CACNA1I: variants seen among roughly 807,000 people sequenced by gnomAD.
CACNA1I encodes the protein calcium voltage-gated channel subunit alpha1 I.
Under a neutral mutation model 201.6 loss-of-function variants are expected in CACNA1I, and 74 were observed. The ratio of observed to expected loss-of-function variants is 0.37; its 90% CI spans 0.30 to 0.45. The LOEUF (loss-of-function observed/expected upper bound fraction) is 0.45. Ranked by LOEUF, CACNA1I falls within the 20% of genes least tolerant of loss-of-function variation. The probability of loss-of-function intolerance (pLI) is 1.00; values close to 1 mark genes in which losing one functional copy is unlikely to be tolerated. For synonymous variants in CACNA1I, 1,431 were observed against 1,345.2 expected (o/e 1.06, Z -1.40); for missense variants, 2,346 against 3,138.1 (o/e 0.75, Z 6.03).
At position 39,665,459 on chromosome 22, in the gene CACNA1I, C is replaced by T. The variant is rs1935157663; in HGVS notation, c.3852-39C>T. 4.3e-6 allele frequency: 7 copies of T among 1,610,588 alleles called. No homozygotes were observed. Among genetic ancestry groups the T allele is most frequent in the African/African-American group, 1.3e-5 (1 of 74,978 alleles). On this transcript the variant is annotated intron_variant, in intron 21 of 36. Transcript: ENST00000402142. The surrounding 1 kb of genome is among the most constrained non-coding windows in gnomAD (Gnocchi z 5.5). Reference sequence around the variant, plus strand: ...GAGTAGGGGCTGCCTCCTGGCCTGGCCAAGGGATTATGTGTGCCTGGCCTC... The same window carrying T: ...GAGTAGGGGCTGCCTCCTGGCCTGGTCAAGGGATTATGTGTGCCTGGCCTC...
intron 1 of CACNA1I, among the ~76,000 whole-genome samples, chr22:39,573,015 A>C (rs977434233): frequency 4.6e-5 from 7 of 152,026 alleles, no homozygotes; most frequent in African/African-American, 1.7e-4. Context: ...CGGCCTCCCA[A>C]AGTGCTGGGA....
At chr22:39,591,775 G>C (rs1347014103) in intron 1 of CACNA1I, among the ~76,000 whole-genome samples, 2 of 152,108 alleles carry the variant, frequency 1.3e-5, no homozygotes, top group Non-Finnish European at 2.9e-5. Flanking sequence ...GGCCGGGCTG[G>C]TCTTGAACTC....
chr22:39,613,730 G>A (rs1022123832), intron 3 of CACNA1I, among the ~76,000 whole-genome samples: 2 of 152,232 alleles, frequency 1.3e-5, no homozygotes, highest in Non-Finnish European at 1.5e-5. Flanking sequence ...CTCCCGAGCC[G>A]GAGGCGCTGG....
At chr22:39,618,515 T>C (rs1933629544) in intron 3 of CACNA1I, among the ~76,000 whole-genome samples, 1 of 151,928 alleles carries the variant, frequency 6.6e-6, no homozygotes, top group African/African-American at 2.4e-5. Flanking sequence ...TGGATGGTGG[T>C]GGCATTTCAG....
intron 3 of CACNA1I, among the ~76,000 whole-genome samples, chr22:39,616,064 C>T (rs1037373712): frequency 1.3e-5 from 2 of 152,172 alleles, no homozygotes; most frequent in Non-Finnish European, 2.9e-5. Context: ...ATGTTTGCCG[C>T]AGACATAGAC....
At position 39,673,053 on chromosome 22, in the gene CACNA1I, G is replaced by A. The variant is rs1040992747; in HGVS notation, c.4754G>A (p.Arg1585His). Reference sequence around the variant, plus strand: ...CTGCCCATCAATCCCACCATCATCCGCATCATGAGGGTTCTGCGCATTGCC... The same window carrying A: ...CTGCCCATCAATCCCACCATCATCCACATCATGAGGGTTCTGCGCATTGCC... ...AALPINPTII[R>H]IMRVLRIARV... Residue 1585 changes from arginine (R) to histidine (H), a missense_variant, in exon 28 of 37, where the codon CGC (arginine) becomes CAC (histidine). By Grantham distance (29) the Arg-to-His change is conservative (BLOSUM62 0). Coordinates refer to ENST00000402142, the MANE Select transcript of CACNA1I (RefSeq NM_021096.4). 4 of 1,613,390 alleles carry A rather than the reference G, an allele frequency of 2.5e-6. No homozygotes were observed. The highest frequency in any genetic ancestry group is 2.7e-5 in the African/African-American group (2 of 74,816).
At chr22:39,670,344 T>G in intron 25 of CACNA1I, 114 bp downstream of exon 25, 1 of 1,086,870 alleles carries the variant, frequency 9.2e-7, no homozygotes, top group South Asian at 1.6e-5. Flanking sequence ...ATACAGCCCC[T>G]GTGCCCAGGG....
chr22:39,581,899 C>A (rs1241594291), intron 1 of CACNA1I, among the ~76,000 whole-genome samples: 1 of 152,202 alleles, frequency 6.6e-6, no homozygotes, highest in Admixed American at 6.5e-5. Context: ...CCTCTTCTTC[C>A]CCAAGTTCAA....
chr22:39,679,989 C>T (rs1935650417), intron 33 of CACNA1I, 121 bp downstream of exon 33: 2 of 984,696 alleles, frequency 2.0e-6, no homozygotes, highest in Non-Finnish European at 3.0e-6. Context: ...TCAACGTGGG[C>T]ACACGTAGCT....
At chr22:39,592,116 A>G (rs1932829593) in intron 1 of CACNA1I, among the ~76,000 whole-genome samples, 1 of 152,224 alleles carries the variant, frequency 6.6e-6, no homozygotes, top group South Asian at 2.1e-4. Flanking sequence ...GGGGCTCTGC[A>G]GCAGCACCCA....
intron 1 of CACNA1I, among the ~76,000 whole-genome samples, chr22:39,589,549 G>A (rs1601798407): frequency 1.3e-5 from 2 of 152,248 alleles, no homozygotes; most frequent in South Asian, 4.1e-4. Flanking sequence ...CACATCACGG[G>A]TGGTCCTGGA....
At chr22:39,658,399 G>A in intron 11 of CACNA1I, 96 bp downstream of exon 11, 1 of 1,162,822 alleles carries the variant, frequency 8.6e-7, no homozygotes. Flanking sequence ...AGATGGCTGT[G>A]GAAACCCGTT....
intron 4 of CACNA1I, among the ~76,000 whole-genome samples, chr22:39,630,159 T>C (rs1934019120): frequency 6.6e-6 from 1 of 152,064 alleles, no homozygotes; most frequent in Non-Finnish European, 1.5e-5. Flanking sequence ...CTGCCACCCC[T>C]TCCCTGTCTC....
chr22:39,571,111 G>C, intron 1 of CACNA1I, 123 bp downstream of exon 1: 1 of 813,388 alleles, frequency 1.2e-6, no homozygotes, highest in Admixed American at 2.0e-5. Flanking sequence ...TGAGGCCACT[G>C]GGCCTTGGTG....
rs554720662 is a variant in CACNA1I, at chr22:39,626,393, G to A, written c.580+6986G>A. Among the ~76,000 whole-genome samples, 5 of 152,322 alleles carry A rather than the reference G, an allele frequency of 3.3e-5. No homozygotes were observed. In the South Asian group the frequency reaches 6.2e-4, roughly 19 times the overall value. Reference sequence around the variant, plus strand: ...AGGGTGGACGTAGAGTGTCAGGGACGTCTTCTCAGGGGCTGGTTTTGGAAG... The same window carrying A: ...AGGGTGGACGTAGAGTGTCAGGGACATCTTCTCAGGGGCTGGTTTTGGAAG... On this transcript the variant is annotated intron_variant, in intron 4 of 36. Transcript: ENST00000402142.
chr22:39,634,501 C>G, intron 4 of CACNA1I, 64 bp from the exon 5 acceptor site: 1 of 1,528,842 alleles, frequency 6.5e-7, no homozygotes, highest in Non-Finnish European at 9.1e-7. Context: ...ACCTTGCTCT[C>G]ACTCTTTCGT....
intron 1 of CACNA1I, among the ~76,000 whole-genome samples, chr22:39,582,208 C>T (rs1932576940): frequency 6.6e-6 from 1 of 152,162 alleles, no homozygotes; most frequent in South Asian, 2.1e-4. Context: ...TGGGCTTCAC[C>T]AAGTACAAGC....
In CACNA1I at chr22:39,662,022, C is replaced by T. The variant is rs1176037363; in HGVS notation, c.2959C>T (p.Arg987Cys). 33 of 1,566,378 alleles carry T rather than the reference C, an allele frequency of 2.1e-5. No individual in the cohort carries two copies. Among genetic ancestry groups the T allele is most frequent in the Non-Finnish European group, 2.8e-5 (33 of 1,160,552 alleles). Residue 987 changes from arginine (R) to cysteine (C), a missense_variant, in exon 17 of 37, where the codon CGT (arginine) becomes TGT (cysteine). This residue lies in a region of CACNA1I where 288 missense variants were observed against 255.2 expected (regional missense o/e 1.13). Transcript: ENST00000402142. ...PWGRSAAWAS[R>C]RSSWNSLKHK... ...GGGCCGCAGCGCGGCCTGGGCCAGC[C>T]GTCGCTCCAGCTGGAACAGCCTCAA...
In CACNA1I at chr22:39,686,429, C is replaced by A; in HGVS notation, c.*24C>A. The A allele has an allele frequency of 8.2e-7, 1 of 1,220,012 alleles. No homozygotes were observed. The highest frequency in any genetic ancestry group is 1.0e-6 in the Non-Finnish European group (1 of 974,444). 75.6% of individuals were successfully genotyped at this position (1,220,012 alleles called of 1,614,324 possible). A position where few individuals can be genotyped will look rare whatever the true frequency, so the allele number is the denominator to read the frequency against. On this transcript the variant is annotated 3_prime_UTR_variant, in exon 37 of 37. Coordinates refer to ENST00000402142, the MANE Select transcript of CACNA1I (RefSeq NM_021096.4). ...GAGGGTCGCAGGGGCCCCCGGCCGCCCACCGCCCGCCCCGTCTCACCTTCT... is the reference window on the plus strand; with the variant it reads ...GAGGGTCGCAGGGGCCCCCGGCCGCACACCGCCCGCCCCGTCTCACCTTCT...
Sources: allele counts gnomAD v4.1 joint callset (sites outside exome capture counted in the v4.1 genomes callset), GRCh38; gene constraint gnomAD v4.1.1; regional missense constraint gnomAD v4.1.1; non-coding constraint Gnocchi (gnomAD v3.1); transcripts MANE v1.5; gene names NCBI Gene and HGNC (gene_info 2026-07-23, HGNC 2026-07-21).